MALRD1: variants seen among roughly 807,000 people sequenced by gnomAD.
MALRD1 encodes the protein MAM and LDL-receptor class A domain-containing protein 1.
In MALRD1, 247 loss-of-function variants were observed where a neutral mutation model predicts 242.1. The ratio of observed to expected loss-of-function variants is 1.02; its 90% CI spans 0.92 to 1.13. The LOEUF (loss-of-function observed/expected upper bound fraction) is 1.13. Among genes scored for constraint, MALRD1 ranks in the 50% most tolerant of loss-of-function variants. The probability of loss-of-function intolerance (pLI) is 0.00; values close to 1 mark genes in which losing one functional copy is unlikely to be tolerated. For missense variants in MALRD1, 2,989 were observed against 2,533.1 expected, an observed-to-expected ratio of 1.18 and a Z score of -3.86; for synonymous variants, 995 against 866.6, an observed-to-expected ratio of 1.15 and a Z score of -2.60.
At chr10:19,611,591 C>A (rs1413878720) in intron 35 of MALRD1, among the ~76,000 whole-genome samples, 1 of 151,872 alleles carries the variant, frequency 6.6e-6, no homozygotes, top group Non-Finnish European at 1.5e-5. Flanking sequence ...AGATTGGGAA[C>A]CTCTGCTAAT....
At chr10:19,144,205 G>C (rs1196615925) in intron 10 of MALRD1, among the ~76,000 whole-genome samples, 1 of 152,126 alleles carries the variant, frequency 6.6e-6, no homozygotes, top group African/African-American at 2.4e-5. Context: ...AAGAAATGCT[G>C]TACCAAAATC....
chr10:19,256,804 T>G (rs1331646364), intron 18 of MALRD1, among the ~76,000 whole-genome samples: 1 of 152,036 alleles, frequency 6.6e-6, no homozygotes, highest in African/African-American at 2.4e-5. Flanking sequence ...AAGTAAAACT[T>G]CAACTCCCAC....
chr10:19,639,102 G>T (rs1225324756), intron 36 of MALRD1, among the ~76,000 whole-genome samples: 1 of 152,036 alleles, frequency 6.6e-6, no homozygotes, highest in East Asian at 1.9e-4. Flanking sequence ...AAGTTCAGAT[G>T]TAGAAACACA....
At chr10:19,170,754 T>G (rs569060302) in intron 13 of MALRD1, among the ~76,000 whole-genome samples, 84 of 152,276 alleles carry the variant, frequency 5.5e-4, no homozygotes, top group Non-Finnish European at 1.0e-3. Context: ...CATATTTTTC[T>G]TACTTGACAT....
At chr10:19,613,965 T>G (rs1029786911) in intron 35 of MALRD1, among the ~76,000 whole-genome samples, 2 of 152,176 alleles carry the variant, frequency 1.3e-5, no homozygotes, top group East Asian at 3.9e-4. Context: ...CTCTTCTTGG[T>G]GTTCCCATCA....
Position 19,273,034 on chromosome 10 carries a change from T to C in MALRD1, c.3080-7013T>C, listed in dbSNP as rs148071191. ...TATAGTAGAATAATTTATAATCCTTTGGGTATATATCCAGTAATGGGATTC... is the reference window on the plus strand; with the variant it reads ...TATAGTAGAATAATTTATAATCCTTCGGGTATATATCCAGTAATGGGATTC... On this transcript the variant is annotated intron_variant, in intron 19 of 39. Transcript: ENST00000454679. Among the ~76,000 whole-genome samples, 745 of 152,298 alleles carry C rather than the reference T, an allele frequency of 4.9e-3. 1 individual carries two copies. Among genetic ancestry groups the C allele is most frequent in the Non-Finnish European group, 7.3e-3 (494 of 68,026 alleles).
At chr10:19,469,157 C>T (rs903159681) in intron 29 of MALRD1, among the ~76,000 whole-genome samples, 1 of 151,930 alleles carries the variant, frequency 6.6e-6, no homozygotes, top group Admixed American at 6.6e-5. Flanking sequence ...GTAATGTGAA[C>T]CCTTATTATA....
At chr10:19,674,960 A>G (rs955121914) in intron 36 of MALRD1, among the ~76,000 whole-genome samples, 2 of 151,636 alleles carry the variant, frequency 1.3e-5, no homozygotes, top group Non-Finnish European at 2.9e-5. Flanking sequence ...ACTTCAGGAC[A>G]TTTTTTTAAA....
At chr10:19,060,966 C>T (rs994000757) in intron 1 of MALRD1, among the ~76,000 whole-genome samples, 1 of 152,148 alleles carries the variant, frequency 6.6e-6, no homozygotes, top group African/African-American at 2.4e-5. Context: ...ATGTCCTTTT[C>T]AGGGACATGG....
chr10:19,084,466 G>T (rs1414288879), intron 2 of MALRD1, among the ~76,000 whole-genome samples: 1 of 151,586 alleles, frequency 6.6e-6, no homozygotes, highest in African/African-American at 2.4e-5. Flanking sequence ...CTATTAAAAT[G>T]CTCCTTTTTT....
At chr10:19,541,220 GC>G (rs1413095400) in intron 32 of MALRD1, among the ~76,000 whole-genome samples, 3 of 152,028 alleles carry the variant, frequency 2.0e-5, no homozygotes, top group Non-Finnish European at 4.4e-5. Context: ...GAACTTCATG[GC>G]CATTGTTTTT....
In MALRD1 at chr10:19,237,302, CCTCA is replaced by C. The variant is rs1472877459; in HGVS notation, c.2992-20379_2992-20376del. 2.6e-5 allele frequency among the ~76,000 whole-genome samples: 4 copies of C among 151,146 alleles called. No individual in the cohort carries two copies. In the East Asian group the frequency reaches 7.8e-4, roughly 29 times the overall value. The stretch of plus-strand genomic sequence containing the variant: ...CTCCATTTTGCCCTCCCCACTTCTT[CCTCA>C]CTGTTTGGTAACCACTATTCTACTC... On this transcript the variant is annotated intron_variant, in intron 18 of 39. Coordinates refer to ENST00000454679, the MANE Select transcript of MALRD1 (RefSeq NM_001142308.3).
rs187082335 is a variant in MALRD1 at position 19,452,564 on chromosome 10, C to T, written c.5029+2074C>T. Reference sequence around the variant, plus strand: ...TAACAGCCCAGCCATCTACAATTAACAAGGATTTTCAAATTGTTTTTCAGT... The same window carrying T: ...TAACAGCCCAGCCATCTACAATTAATAAGGATTTTCAAATTGTTTTTCAGT... On this transcript the variant is annotated intron_variant, in intron 29 of 39. Transcript: ENST00000454679. Among the ~76,000 whole-genome samples the T allele has an allele frequency of 3.9e-5, 6 of 152,202 alleles. No homozygotes were observed. The East Asian group carries it at 1.2e-3, about 29-fold the overall frequency.
chr10:19,383,152 G>A (rs1845907608), intron 26 of MALRD1, among the ~76,000 whole-genome samples: 1 of 152,080 alleles, frequency 6.6e-6, no homozygotes, highest in African/African-American at 2.4e-5. Flanking sequence ...TTGTCACCCA[G>A]GTAATCAACA....
At chr10:19,253,983 G>A (rs911924498) in intron 18 of MALRD1, among the ~76,000 whole-genome samples, 2 of 151,956 alleles carry the variant, frequency 1.3e-5, no homozygotes, top group South Asian at 2.1e-4. Flanking sequence ...CCCTTTGCTC[G>A]TGTCTCATTC....
chr10:19,675,363 C>T (rs1452754484), intron 36 of MALRD1, among the ~76,000 whole-genome samples: 1 of 152,164 alleles, frequency 6.6e-6, no homozygotes. Context: ...CGTGAATTTA[C>T]TACTTACAAA....
Position 19,709,015 on chromosome 10 carries a change from C to CT in MALRD1, c.6314+16473dup, listed in dbSNP as rs1288346197. Among the ~76,000 whole-genome samples the CT allele has an allele frequency of 6.4e-4, 69 of 107,152 alleles. 9 individuals are homozygous for CT. Among genetic ancestry groups the CT allele is most frequent in the Admixed American group, 1.3e-3 (12 of 9,392 alleles). The allele number at this position is 107,152 out of a possible 152,430, so 70.3% of individuals were successfully genotyped here. ...GTGTATCACAGAAACATGGATAAGC[C>CT]TTTTTTTTTTTTCATTTTTTGAAAT... On this transcript the variant is annotated intron_variant, in intron 38 of 39. Transcript: ENST00000454679.
chr10:19,631,044 G>T (rs1030017720), intron 36 of MALRD1, among the ~76,000 whole-genome samples: 1 of 152,096 alleles, frequency 6.6e-6, no homozygotes, highest in Non-Finnish European at 1.5e-5. Flanking sequence ...TTGTAATATA[G>T]GCAAACTCAT....
chr10:19,291,438 A>C (rs945764557), intron 21 of MALRD1: 9 of 151,708 alleles, frequency 5.9e-5, no homozygotes, highest in Non-Finnish European at 2.9e-5. Context: ...TCCCATTGAG[A>C]GGGGAAAGGT....
Sources: allele counts gnomAD v4.1 joint callset (sites outside exome capture counted in the v4.1 genomes callset), GRCh38; gene constraint gnomAD v4.1.1; transcripts MANE v1.5; gene names NCBI Gene and HGNC (gene_info 2026-07-23, HGNC 2026-07-21).